SGMS1: variants seen among roughly 807,000 people sequenced by gnomAD.
The protein encoded by SGMS1 is phosphatidylcholine:ceramide cholinephosphotransferase 1.
Under a neutral mutation model 46.2 loss-of-function variants are expected in SGMS1, and 13 were observed. The observed-to-expected ratio is 0.28, with a 90% CI of 0.18 to 0.45. The LOEUF (loss-of-function observed/expected upper bound fraction) is 0.45, where lower values mean the gene tolerates loss of function less well. Ranked by LOEUF, SGMS1 falls within the 20% of genes least tolerant of loss-of-function variation. The pLI is 1.00. For missense variants in SGMS1, 324 were observed against 519.9 expected (o/e 0.62, Z 3.66); for synonymous variants, 203 against 187.8 (o/e 1.08, Z -0.66).
At chr10:50,607,310 T>C (rs1368499985) in intron 1 of SGMS1, among the ~76,000 whole-genome samples, 1 of 152,242 alleles carries the variant, frequency 6.6e-6, no homozygotes, top group East Asian at 1.9e-4. Flanking sequence ...TATAACAGCA[T>C]TGACATGGCA....
At chr10:50,513,955 G>A (rs1401766408) in intron 3 of SGMS1, among the ~76,000 whole-genome samples, 1 of 152,048 alleles carries the variant, frequency 6.6e-6, no homozygotes, top group African/African-American at 2.4e-5. Flanking sequence ...ATGAATCAAA[G>A]CTGAGTCTTA....
chr10:50,398,512 A>G (rs905308364), intron 6 of SGMS1, among the ~76,000 whole-genome samples: 1 of 152,194 alleles, frequency 6.6e-6, no homozygotes, highest in Non-Finnish European at 1.5e-5. Context: ...AGCTAACAAT[A>G]CCGGTGTTGT....
intron 2 of SGMS1, among the ~76,000 whole-genome samples, chr10:50,529,450 C>T (rs1033201483): frequency 1.3e-5 from 2 of 152,128 alleles, no homozygotes; most frequent in Non-Finnish European, 2.9e-5. Flanking sequence ...AGCCATACTA[C>T]AAAATGTAGA....
chr10:50,523,150 A>G (rs1588863691), intron 2 of SGMS1, among the ~76,000 whole-genome samples: 1 of 152,282 alleles, frequency 6.6e-6, no homozygotes, highest in Non-Finnish European at 1.5e-5. Flanking sequence ...CCACAGCCTC[A>G]TAGATAGTAG....
chr10:50,416,281 T>C lies in SGMS1; in HGVS notation c.-232+17195A>G, dbSNP rs554931055. ...TGCTAACTTCCAACATAAACTAAAT[T>C]AACTAGCTGTGAAATTTGGAGCAGG... is the stretch of plus-strand genomic sequence containing the variant. On this transcript the variant is annotated intron_variant, in intron 6 of 10. Transcript: ENST00000361781. Among the ~76,000 whole-genome samples the C allele has an allele frequency of 2.6e-5, 4 of 152,270 alleles. No homozygotes were observed. The South Asian group carries it at 8.3e-4, about 32-fold the overall frequency.
intron 3 of SGMS1, among the ~76,000 whole-genome samples, chr10:50,499,481 C>A (rs1837643525): frequency 6.6e-6 from 1 of 152,172 alleles, no homozygotes; most frequent in Non-Finnish European, 1.5e-5. Context: ...ATATACATAT[C>A]CTTTCCTCAA....
chr10:50,372,537 A>C (rs905541583), intron 6 of SGMS1, among the ~76,000 whole-genome samples: 34 of 152,086 alleles, frequency 2.2e-4, no homozygotes, highest in African/African-American at 8.2e-4. Context: ...TACGAAAAAT[A>C]TAAAAAATTA....
chr10:50,338,704 C>G (rs1441474945), intron 7 of SGMS1, among the ~76,000 whole-genome samples: 1 of 151,574 alleles, frequency 6.6e-6, no homozygotes, highest in African/African-American at 2.4e-5. Flanking sequence ...TTAACTGAGT[C>G]TAAGTCATGA....
chr10:50,561,900 AC>A (rs1289810844), intron 2 of SGMS1, among the ~76,000 whole-genome samples: 1 of 151,962 alleles, frequency 6.6e-6, no homozygotes, highest in Non-Finnish European at 1.5e-5. Context: ...TACACCCACT[AC>A]CCCACTCCCA....
intron 6 of SGMS1, among the ~76,000 whole-genome samples, chr10:50,354,889 G>C (rs189454707): frequency 2.0e-3 from 302 of 152,252 alleles, no homozygotes; most frequent in Non-Finnish European, 3.0e-3. Context: ...AAACCACAAT[G>C]AGATACCATC....
chr10:50,373,238 A>G (rs1848469736), intron 6 of SGMS1, among the ~76,000 whole-genome samples: 1 of 152,254 alleles, frequency 6.6e-6, no homozygotes, highest in South Asian at 2.1e-4. Context: ...AGCAACTGAG[A>G]CACTGGTAGG....
In SGMS1 at chr10:50,590,169, G is replaced by A. The variant is rs1838527056; in HGVS notation, c.-605C>T. The stretch of plus-strand genomic sequence containing the variant: ...TTTACTTACCTTTCAAATGATGGCT[G>A]TCTTCTTTCTCCTGATCAAAAATGA... On this transcript the variant is annotated 5_prime_UTR_variant, in exon 2 of 11. Transcript: ENST00000361781. 6.6e-6 allele frequency: 1 copy of A among 152,334 alleles called. No individual in the cohort carries two copies. The highest frequency in any genetic ancestry group is 6.5e-5 in the Admixed American group (1 of 15,290). The allele number at this position is 152,334 out of a possible 1,614,324, so 9.4% of individuals were successfully genotyped here.
At chr10:50,548,617 G>C (rs1415131541) in intron 2 of SGMS1, among the ~76,000 whole-genome samples, 1 of 152,042 alleles carries the variant, frequency 6.6e-6, no homozygotes, top group African/African-American at 2.4e-5. Context: ...CTAGAAGAAA[G>C]TCTAGGCAAT....
At chr10:50,580,424 A>ACC (rs113101457) in intron 2 of SGMS1, among the ~76,000 whole-genome samples, 42,456 of 145,540 alleles carry the variant, frequency 0.29, 6,992 homozygotes, top group Non-Finnish European at 0.38. Context: ...CAAGTTAGGG[A>ACC]CCCCCCCCCA....
At chr10:50,509,458 C>G (rs919888947) in intron 3 of SGMS1, among the ~76,000 whole-genome samples, 4 of 152,154 alleles carry the variant, frequency 2.6e-5, no homozygotes, top group African/African-American at 9.7e-5. Flanking sequence ...AATATACATA[C>G]ACATATATAT....
At chr10:50,485,673 G>A (rs1178477738) in intron 3 of SGMS1, among the ~76,000 whole-genome samples, 1 of 152,202 alleles carries the variant, frequency 6.6e-6, no homozygotes, top group Non-Finnish European at 1.5e-5. Flanking sequence ...GCCAAGGCAG[G>A]TGGATCGCTT....
intron 4 of SGMS1, among the ~76,000 whole-genome samples, chr10:50,462,877 G>C (rs1326969791): frequency 6.6e-6 from 1 of 152,100 alleles, no homozygotes; most frequent in Non-Finnish European, 1.5e-5. Flanking sequence ...GAAGCAAAAA[G>C]CCAGCTGACT....
chr10:50,471,569 T>C (rs959568457), intron 3 of SGMS1, among the ~76,000 whole-genome samples: 6 of 152,198 alleles, frequency 3.9e-5, no homozygotes, highest in African/African-American at 1.4e-4. Context: ...GTGTATGAGA[T>C]ATAAAAAAGG....
chr10:50,621,150 C>T (rs1029341445), intron 1 of SGMS1, among the ~76,000 whole-genome samples: 4 of 151,986 alleles, frequency 2.6e-5, no homozygotes, highest in Admixed American at 2.6e-4. Flanking sequence ...GCACTCCATC[C>T]TGGGTGACAG....
Sources: gnomAD v4.1 joint callset for allele counts (sites outside exome capture counted in the v4.1 genomes callset) on GRCh38, gnomAD v4.1.1 for gene constraint, MANE v1.5 for transcripts, NCBI Gene and HGNC (gene_info 2026-07-23, HGNC 2026-07-21) for gene names.